The following KDM7A variants were observed in gnomAD, a reference collection of about 807,000 sequenced individuals.
KDM7A encodes lysine demethylase 7A.
Under a neutral mutation model 114.8 loss-of-function variants are expected in KDM7A, and 28 were observed. The ratio of observed to expected loss-of-function variants is 0.24; its 90% CI spans 0.18 to 0.33. The LOEUF is 0.33. Among genes scored for constraint, KDM7A ranks in the 10% least tolerant of loss-of-function variants. The pLI, the probability that KDM7A is intolerant of heterozygous loss-of-function variation, is 1.00. For missense variants in KDM7A, 942 were observed against 1,142.5 expected (o/e 0.82, Z 2.53); for synonymous variants, 423 against 397.8 (o/e 1.06, Z -0.75).
At chr7:140,174,117 T>C (rs1022010602) in intron 1 of KDM7A, among the ~76,000 whole-genome samples, 1 of 147,818 alleles carries the variant, frequency 6.8e-6, no homozygotes, top group African/African-American at 2.5e-5. Context: ...TGAGCAGAGA[T>C]GGCGCCACTG....
chr7:140,106,113 T>C (rs1818334557), intron 11 of KDM7A, among the ~76,000 whole-genome samples: 1 of 152,230 alleles, frequency 6.6e-6, no homozygotes, highest in Non-Finnish European at 1.5e-5. Context: ...GTAGTTTGTA[T>C]TTCTGTGGGA....
rs536947824 is a variant in KDM7A at position 140,146,818 on chromosome 7, T to G, written c.195-7628A>C. ...TTAGCTGGCATTTTTTTCTGACACTTGATGAGAACTGAATTGAATTAATGA... is the reference window on the plus strand; with the variant it reads ...TTAGCTGGCATTTTTTTCTGACACTGGATGAGAACTGAATTGAATTAATGA... On this transcript the variant is annotated intron_variant, in intron 1 of 19. Coordinates refer to ENST00000397560, the MANE Select transcript of KDM7A (RefSeq NM_030647.2). 3.3e-5 allele frequency among the ~76,000 whole-genome samples: 5 copies of G among 152,306 alleles called. No homozygotes were observed. In the South Asian group the frequency reaches 1.0e-3, roughly 32 times the overall value.
Position 140,097,040 on chromosome 7 carries a change from A to G in KDM7A, c.2024T>C (p.Ile675Thr), listed in dbSNP as rs1014114649. 1 of 1,610,134 alleles carries G rather than the reference A, an allele frequency of 6.2e-7. No individual in the cohort carries two copies. Among genetic ancestry groups the G allele is most frequent in the Non-Finnish European group, 8.5e-7 (1 of 1,177,788 alleles). ...ACTTTCAGACTCTTCAGTGGTAAAG[A>G]TACTTTTCTGAGATGATAATTACAT... ...SGPECTALKS[I>T]FTTEESESSG... Residue 675 changes from isoleucine (I) to threonine (T), a missense_variant, in exon 16 of 20, where the codon ATC becomes ACC. Physicochemically the swap from Ile to Thr is moderately conservative, Grantham distance 89. This residue lies in a region of KDM7A where 512 missense variants were observed against 576.6 expected (regional missense o/e 0.89). Coordinates refer to ENST00000397560, the MANE Select transcript of KDM7A (RefSeq NM_030647.2).
intron 1 of KDM7A, among the ~76,000 whole-genome samples, chr7:140,171,834 T>A (rs1794646299): frequency 6.6e-6 from 1 of 151,938 alleles, no homozygotes; most frequent in Non-Finnish European, 1.5e-5. Context: ...TGAGATCCAT[T>A]CATGTTGTGT....
Position 140,092,229 on chromosome 7 carries a change from C to CGT in KDM7A, c.2458-153_2458-152insAC. 12 of 680,050 alleles carry CGT rather than the reference C, an allele frequency of 1.8e-5. No individual in the cohort carries two copies. The South Asian group carries it at 2.3e-4, about 13-fold the overall frequency. The allele number at this position is 680,050 out of a possible 1,614,324, so 42.1% of individuals were successfully genotyped here. ...TATTAGCCACGGATGACCACTCCTGCATGATGTCGTCTCAGTAGCTCTGAA... is the reference window on the plus strand; with the variant it reads ...TATTAGCCACGGATGACCACTCCTGCGTATGATGTCGTCTCAGTAGCTCTGAA... On this transcript the variant is annotated intron_variant, in intron 18 of 19. Coordinates refer to ENST00000397560, the MANE Select transcript of KDM7A (RefSeq NM_030647.2).
At chr7:140,149,643 A>T (rs1794377239) in intron 1 of KDM7A, among the ~76,000 whole-genome samples, 1 of 152,248 alleles carries the variant, frequency 6.6e-6, no homozygotes, top group African/African-American at 2.4e-5. Flanking sequence ...TAAAGAAATT[A>T]GGATACAAAC....
At chr7:140,101,907 G>A in intron 12 of KDM7A, 44 bp downstream of exon 12, 4 of 1,313,418 alleles carry the variant, frequency 3.0e-6, no homozygotes, top group Non-Finnish European at 4.4e-6. Flanking sequence ...AGACTTTAAG[G>A]AACAGCCAAG....
chr7:140,121,889 T>C (rs1198730431), intron 7 of KDM7A, among the ~76,000 whole-genome samples: 1 of 152,122 alleles, frequency 6.6e-6, no homozygotes, highest in Non-Finnish European at 1.5e-5. Flanking sequence ...AACTGTACTG[T>C]AGTTTGGAAG....
At chr7:140,171,507 A>ATT (rs1794638499) in intron 1 of KDM7A, among the ~76,000 whole-genome samples, 1 of 139,550 alleles carries the variant, frequency 7.2e-6, no homozygotes, top group African/African-American at 2.7e-5. Context: ...TACATATTTT[A>ATT]TATATATTTA....
Position 140,126,640 on chromosome 7 carries a change from G to A in KDM7A, c.885C>T (p.Leu295=), listed in dbSNP as rs765141431. 5.6e-6 allele frequency: 9 copies of A among 1,596,054 alleles called. No homozygotes were observed. In the East Asian group the frequency reaches 1.6e-4, roughly 28 times the overall value. ...ACAAAAAATACCCCAATCTTACCCA[G>A]AGGACATGGTACCAGACTGAAGTTC... ...FGGTSVWYHV[L]WGEKIFYLIK... The change falls in exon 6 of 20, where the codon CTC becomes CTT. Residue 295 remains leucine (L), a synonymous_variant. Transcript: ENST00000397560.
At chr7:140,168,090 T>A (rs1490804034) in intron 1 of KDM7A, among the ~76,000 whole-genome samples, 7 of 152,266 alleles carry the variant, frequency 4.6e-5, no homozygotes, top group Non-Finnish European at 1.0e-4. Context: ...TGACAAAGAT[T>A]AAAAACATGA....
chr7:140,172,114 T>G (rs1329125119), intron 1 of KDM7A, among the ~76,000 whole-genome samples: 3 of 152,094 alleles, frequency 2.0e-5, no homozygotes, highest in East Asian at 3.9e-4. Flanking sequence ...TAGGTGAAAG[T>G]AGAAATCGGC....
At chr7:140,130,332 T>C (rs1818764925) in intron 3 of KDM7A, among the ~76,000 whole-genome samples, 1 of 152,092 alleles carries the variant, frequency 6.6e-6, no homozygotes, top group Admixed American at 6.5e-5. Flanking sequence ...GAATAAAAAC[T>C]AGTCAGGCCA....
At position 140,129,622 on chromosome 7, in the gene KDM7A, T is replaced by C; in HGVS notation, c.430A>G (p.Ser144Gly). ...TCCAGATATCTTTGTGTCAGCTGGCTGCCATGCATCTTTATAATTATTTCA... is the reference window on the plus strand; with the variant it reads ...TCCAGATATCTTTGTGTCAGCTGGCCGCCATGCATCTTTATAATTATTTCA... ...ADEIIIKMHG[S>G]QLTQRYLEKH... is the part of the protein sequence containing the mutation. Residue 144 changes from serine to glycine, a missense_variant, in exon 4 of 20, where the codon AGC becomes GGC. By Grantham distance (56) the Ser-to-Gly change is moderately conservative. Around this residue, in one of 4 missense-constraint regions of KDM7A, gnomAD observed 318 missense variants for 453.1 expected, o/e 0.70. Transcript: ENST00000397560. The C allele has an allele frequency of 6.2e-7, 1 of 1,610,446 alleles. No homozygotes were observed. The highest frequency in any genetic ancestry group is 2.2e-5 in the East Asian group (1 of 44,826).
chr7:140,111,591 C>T (rs942775407), intron 10 of KDM7A, among the ~76,000 whole-genome samples: 1 of 152,182 alleles, frequency 6.6e-6, no homozygotes, highest in Non-Finnish European at 1.5e-5. Context: ...CTTGGGAAAT[C>T]TAATTTGAAT....
At chr7:140,169,334 C>G (rs564984176) in intron 1 of KDM7A, among the ~76,000 whole-genome samples, 2 of 152,258 alleles carry the variant, frequency 1.3e-5, no homozygotes, top group South Asian at 4.2e-4. Context: ...TTAAATTGCT[C>G]AAATCAACCA....
In KDM7A at chr7:140,112,684, T is replaced by C. The variant is rs564616660; in HGVS notation, c.1338+807A>G. On this transcript the variant is annotated intron_variant, in intron 10 of 19. Transcript: ENST00000397560. ...TATGTATGTATCACCTATTAAAGTATTATGTGCAAAGTTCCATGGAGTTAT... is the reference window on the plus strand; with the variant it reads ...TATGTATGTATCACCTATTAAAGTACTATGTGCAAAGTTCCATGGAGTTAT... 1.9e-3 allele frequency among the ~76,000 whole-genome samples: 293 copies of C among 151,908 alleles called. 4 individuals carry two copies. The highest frequency in any genetic ancestry group is 1.4e-3 in the East Asian group (7 of 5,184).
At chr7:140,159,961 A>C (rs1794500192) in intron 1 of KDM7A, among the ~76,000 whole-genome samples, 1 of 151,650 alleles carries the variant, frequency 6.6e-6, no homozygotes, top group African/African-American at 2.4e-5. Flanking sequence ...AAAAAAAAAA[A>C]AAAACCTGTA....
intron 2 of KDM7A, among the ~76,000 whole-genome samples, chr7:140,134,367 C>T (rs978354986): frequency 1.3e-5 from 2 of 152,088 alleles, no homozygotes; most frequent in Non-Finnish European, 2.9e-5. Context: ...ACCTATGGAT[C>T]CAGATTCCTC....
Sources: gnomAD v4.1 joint callset for allele counts (sites outside exome capture counted in the v4.1 genomes callset) on GRCh38, gnomAD v4.1.1 for gene constraint, gnomAD v4.1.1 regional missense constraint, MANE v1.5 for transcripts, NCBI Gene and HGNC (gene_info 2026-07-23, HGNC 2026-07-21) for gene names.